Variants in AGMO observed in about 807,000 individuals in gnomAD.
AGMO encodes the protein glyceryl-ether monooxygenase.
Under a neutral mutation model 60.2 loss-of-function variants are expected in AGMO, and 75 were observed. The observed-to-expected ratio is 1.25, with a 90% confidence interval of 1.03 to 1.51. The LOEUF (loss-of-function observed/expected upper bound fraction) is 1.51, where lower values mean the gene tolerates loss of function less well. Among genes scored for constraint, AGMO ranks in the 40% most tolerant of loss-of-function variants. The pLI is 0.00. For synonymous variants in AGMO, 261 were observed against 177.1 expected (o/e 1.47, Z -3.76); for missense variants, 763 against 525.5 (o/e 1.45, Z -4.42).
chr7:15,184,999 TTTG>T, the AGMO span, among the ~76,000 whole-genome samples: 3 of 152,108 alleles, frequency 2.0e-5, no homozygotes, highest in African/African-American at 7.2e-5. Flanking sequence ...ATTGAATTGT[TTTG>T]TTGTGCAAGT....
intron 5 of AGMO, among the ~76,000 whole-genome samples, chr7:15,398,764 A>G (rs1372966110): frequency 6.6e-6 from 1 of 152,198 alleles, no homozygotes; most frequent in African/African-American, 2.4e-5. Context: ...TTTAGGACAT[A>G]CAGAGGGCTT....
At chr7:15,495,720 G>T (rs1467111816) in intron 3 of AGMO, among the ~76,000 whole-genome samples, 1 of 152,076 alleles carries the variant, frequency 6.6e-6, no homozygotes, top group Non-Finnish European at 1.5e-5. Context: ...GGTTCTAGCA[G>T]ATTTGGTTGC....
At chr7:15,140,411 T>C in the AGMO span, among the ~76,000 whole-genome samples, 9 of 152,096 alleles carry the variant, frequency 5.9e-5, no homozygotes, top group East Asian at 1.7e-3. Flanking sequence ...TAGCATAAGT[T>C]ATTTTTACCT....
intron 12 of AGMO, among the ~76,000 whole-genome samples, chr7:15,262,427 T>C (rs1013826784): frequency 1.3e-5 from 2 of 151,970 alleles, no homozygotes; most frequent in African/African-American, 4.8e-5. Context: ...ACCAAGGACA[T>C]GAAAAACTTC....
chr7:15,195,510 T>TA (rs1781095614), downstream of AGMO, among the ~76,000 whole-genome samples: 1 of 152,194 alleles, frequency 6.6e-6, no homozygotes, highest in Admixed American at 6.5e-5. Context: ...ATCTTTTTAT[T>TA]ATGCAAATGG....
At chr7:15,178,987 C>T in the AGMO span, among the ~76,000 whole-genome samples, 2 of 152,172 alleles carry the variant, frequency 1.3e-5, no homozygotes, top group Non-Finnish European at 2.9e-5. Flanking sequence ...GGAGCCCATT[C>T]CTGTAATAAT....
At chr7:15,137,968 T>G in the AGMO span, among the ~76,000 whole-genome samples, 1 of 152,152 alleles carries the variant, frequency 6.6e-6, no homozygotes, top group Non-Finnish European at 1.5e-5. Context: ...CTTCTGAGTC[T>G]ACAACACTCT....
chr7:15,336,203 A>T (rs1232420411), intron 12 of AGMO, among the ~76,000 whole-genome samples: 1 of 152,162 alleles, frequency 6.6e-6, no homozygotes, highest in Non-Finnish European at 1.5e-5. Flanking sequence ...ATTTCAATTT[A>T]TAGCACAAAT....
intron 12 of AGMO, among the ~76,000 whole-genome samples, chr7:15,344,064 T>A (rs1198280770): frequency 6.6e-6 from 1 of 152,202 alleles, no homozygotes; most frequent in Non-Finnish European, 1.5e-5. Context: ...GGGATTGATA[T>A]AAATTAAAAT....
chr7:15,435,504 T>C (rs1379648650), intron 3 of AGMO, among the ~76,000 whole-genome samples: 1 of 152,158 alleles, frequency 6.6e-6, no homozygotes, highest in East Asian at 1.9e-4. Context: ...ATGTACCTAA[T>C]CACCATCTAT....
At chr7:15,458,311 AG>A (rs1486320478) in intron 3 of AGMO, among the ~76,000 whole-genome samples, 1 of 152,184 alleles carries the variant, frequency 6.6e-6, no homozygotes, top group East Asian at 1.9e-4. Context: ...AAGTGCTGAG[AG>A]GGTATATAAA....
intron 12 of AGMO, among the ~76,000 whole-genome samples, chr7:15,252,935 A>G (rs1217089088): frequency 6.6e-6 from 1 of 152,228 alleles, no homozygotes; most frequent in African/African-American, 2.4e-5. Flanking sequence ...GATGTGATCC[A>G]CTATGTCAAA....
At chr7:15,167,218 G>A in the AGMO span, among the ~76,000 whole-genome samples, 1 of 152,154 alleles carries the variant, frequency 6.6e-6, no homozygotes, top group Non-Finnish European at 1.5e-5. Flanking sequence ...TCTGTGGAGA[G>A]TTTGAAAAAC....
At chr7:15,164,569 T>C in the AGMO span, among the ~76,000 whole-genome samples, 1 of 151,916 alleles carries the variant, frequency 6.6e-6, no homozygotes, top group Non-Finnish European at 1.5e-5. Flanking sequence ...GGAAAGGACA[T>C]GAACAGACAA....
At chr7:15,550,593 T>C (rs1434212875) in intron 2 of AGMO, among the ~76,000 whole-genome samples, 3 of 151,592 alleles carry the variant, frequency 2.0e-5, no homozygotes, top group Non-Finnish European at 3.0e-5. Context: ...CCTTGACACA[T>C]ACACTCTCCC....
chr7:15,406,684 ATATATATGGAATATACATATATATG>A (rs1784706844), intron 5 of AGMO, among the ~76,000 whole-genome samples: 1 of 59,022 alleles, frequency 1.7e-5, no homozygotes, highest in East Asian at 3.8e-4. Flanking sequence ...ATATATGTGT[ATATATATGGAATATACATATATATG>A]TGTATATATA....
At chr7:15,202,251 G>GAA (rs1186862418) in intron 12 of AGMO, among the ~76,000 whole-genome samples, 2 of 151,766 alleles carry the variant, frequency 1.3e-5, no homozygotes, top group Non-Finnish European at 2.9e-5. Flanking sequence ...CACTATACCT[G>GAA]GAAGATTCAC....
At chr7:15,345,970 ACT>A (rs1339620646) in intron 12 of AGMO, among the ~76,000 whole-genome samples, 5 of 151,972 alleles carry the variant, frequency 3.3e-5, no homozygotes, top group Non-Finnish European at 7.4e-5. Context: ...CAATATATTA[ACT>A]CTTATTAAAA....
intron 12 of AGMO, among the ~76,000 whole-genome samples, chr7:15,290,700 T>C (rs1784238191): frequency 6.6e-6 from 1 of 152,172 alleles, no homozygotes; most frequent in South Asian, 2.1e-4. Context: ...ATTAGATAGG[T>C]CACATATACC....
Sources: gnomAD v4.1 joint callset for allele counts (sites outside exome capture counted in the v4.1 genomes callset) on GRCh38, gnomAD v4.1.1 for gene constraint, MANE v1.5 for transcripts, NCBI Gene and HGNC (gene_info 2026-07-23, HGNC 2026-07-21) for gene names.